KIF24: variants seen among roughly 807,000 people sequenced by gnomAD.
The protein encoded by KIF24 is kinesin family member 24.
Under a neutral mutation model 118.9 loss-of-function variants are expected in KIF24, and 81 were observed. That is an observed-to-expected ratio of 0.68 (90% CI 0.57 to 0.82). The LOEUF (loss-of-function observed/expected upper bound fraction) is 0.82, where lower values mean the gene tolerates loss of function less well. KIF24 is among the 40% of genes least tolerant of loss of function. The probability of loss-of-function intolerance (pLI) is 0.00; values close to 1 mark genes in which losing one functional copy is unlikely to be tolerated. For missense variants in KIF24, 1,560 were observed against 1,661.6 expected (o/e 0.94, Z 1.06); for synonymous variants, 599 against 610.0 (o/e 0.98, Z 0.27).
chr9:34,325,582 T>C (rs1837647895), intron 1 of KIF24, among the ~76,000 whole-genome samples: 1 of 150,022 alleles, frequency 6.7e-6, no homozygotes, highest in South Asian at 2.1e-4. Context: ...TAATCCCAGC[T>C]ACTCAGGAGG....
rs76160698 is a variant in KIF24 at position 34,288,065 on chromosome 9, T to C, written c.1128-1361A>G. ...GCTTTTATGCAAGGTATAAAAACAATTTATCCTCTACTTCTAGGAATTAAT... is the reference window on the plus strand; with the variant it reads ...GCTTTTATGCAAGGTATAAAAACAACTTATCCTCTACTTCTAGGAATTAAT... On this transcript the variant is annotated intron_variant, in intron 5 of 12. Transcript: ENST00000402558. Among the ~76,000 whole-genome samples the C allele has an allele frequency of 3.3e-3, 507 of 152,252 alleles. 2 individuals carry two copies. Among genetic ancestry groups the C allele is most frequent in the African/African-American group, 0.012 (494 of 41,558 alleles).
In KIF24 at chr9:34,290,175, T is replaced by G. The variant is rs1370182400; in HGVS notation, c.1126A>C (p.Arg376=). The G allele has an allele frequency of 6.2e-7, 1 of 1,605,386 alleles. No homozygotes were observed. The highest frequency in any genetic ancestry group is 8.5e-7 in the Non-Finnish European group (1 of 1,172,704). The part of the protein sequence containing the change: ...QLYDLLNRRK[R]LFAREDSKHM... ...TCGCTTCCCACTCATATTCAGTACCTTTTTCTTCTATTTAGGAGGTCATAA... is the reference window on the plus strand; with the variant it reads ...TCGCTTCCCACTCATATTCAGTACCGTTTTCTTCTATTTAGGAGGTCATAA... Residue 376 remains arginine (R), a splice_region_variant and synonymous_variant, in exon 5 of 13, where the codon AGG becomes CGG. Coordinates refer to ENST00000402558, the MANE Select transcript of KIF24 (RefSeq NM_194313.4).
rs1017096458 is a variant in KIF24, at chr9:34,319,302, T to G, written c.-25-7931A>C. The G allele has an allele frequency of 4.0e-5, 39 of 971,940 alleles. No homozygotes were observed. The African/African-American group carries it at 5.7e-4, about 14-fold the overall frequency. The allele number at this position is 971,940 out of a possible 1,614,324, so 60.2% of individuals were successfully genotyped here. A position where few individuals can be genotyped will look rare whatever the true frequency, so the allele number is the denominator to read the frequency against. ...TCTGGATGGGGAAGAAGCAGAAGCCTGTCGCCATCTCCTTGCCCAAGCGGG... is the reference window on the plus strand; with the variant it reads ...TCTGGATGGGGAAGAAGCAGAAGCCGGTCGCCATCTCCTTGCCCAAGCGGG... On this transcript the variant is annotated intron_variant, in intron 1 of 12. Transcript: ENST00000402558.
intron 1 of KIF24, among the ~76,000 whole-genome samples, chr9:34,321,499 A>G (rs1360561810): frequency 6.7e-6 from 1 of 150,142 alleles, no homozygotes; most frequent in Non-Finnish European, 1.5e-5. Context: ...TGCAGGAGAC[A>G]GGTTCTGTAA....
At position 34,314,777 on chromosome 9, in the gene KIF24, T is replaced by C. The variant is rs1837281821; in HGVS notation, c.-25-3406A>G. ...AGCTTGTAATAGCAAAGTCATGGAA[T>C]AGAGACTGGTGAAATAAATTATGAT... is the stretch of plus-strand genomic sequence containing the variant. On this transcript the variant is annotated intron_variant, in intron 1 of 12. Coordinates refer to ENST00000402558, the MANE Select transcript of KIF24 (RefSeq NM_194313.4). 2.6e-5 allele frequency among the ~76,000 whole-genome samples: 4 copies of C among 152,350 alleles called. No individual in the cohort carries two copies. In the South Asian group the frequency reaches 8.3e-4, roughly 32 times the overall value.
In KIF24 at chr9:34,311,045, T is replaced by A. The variant is rs1837120441; in HGVS notation, c.302A>T (p.Asp101Val). 1 of 1,613,838 alleles carries A rather than the reference T, an allele frequency of 6.2e-7. No individual in the cohort carries two copies. ...RSGPRRQLNFDSPADNKDRNA... is the reference protein window; with the variant it reads ...RSGPRRQLNFVSPADNKDRNA... ...TCTGTCTTTATTGTCAGCAGGAGAA[T>A]CAAAATTCAGCTGTCTGCGAGGGCC... The change falls in exon 2 of 13, where the codon GAT becomes GTT. Residue 101 changes from aspartate to valine, a missense_variant. Physicochemically the swap from Asp to Val is radical, Grantham distance 152. Coordinates refer to ENST00000402558, the MANE Select transcript of KIF24 (RefSeq NM_194313.4).
In KIF24 at chr9:34,311,261, A is replaced by G. The variant is rs751595845; in HGVS notation, c.86T>C (p.Ile29Thr). 2.3e-5 allele frequency: 37 copies of G among 1,612,208 alleles called. No homozygotes were observed. Among genetic ancestry groups the G allele is most frequent in the Non-Finnish European group, 3.1e-5 (37 of 1,178,894 alleles). ...CATTGTAATCTTGGCTAATTCATCT[A>G]TTTTCTGAAGGCCAAGGGCAGTGAA... is the stretch of plus-strand genomic sequence containing the variant. ...SHFTALGLQK[I>T]DELAKITMKD... Residue 29 changes from isoleucine (I) to threonine (T), a missense_variant, in exon 2 of 13, where the codon ATA becomes ACA. By Grantham distance (89) the Ile-to-Thr change is moderately conservative (BLOSUM62 -1). Around this residue, in one of 3 missense-constraint regions of KIF24, gnomAD observed 964 missense variants for 988.0 expected, o/e 0.98. Coordinates refer to ENST00000402558, the MANE Select transcript of KIF24 (RefSeq NM_194313.4).
intron 1 of KIF24, among the ~76,000 whole-genome samples, chr9:34,324,353 CA>C (rs1301417556): frequency 2.0e-5 from 3 of 152,220 alleles, no homozygotes; most frequent in African/African-American, 7.2e-5. Flanking sequence ...TTCATGCAGT[CA>C]CTCAGAACTA....
chr9:34,256,554 T>C lies in KIF24; in HGVS notation c.3053A>G (p.Gln1018Arg). The change falls in exon 11 of 13, where the codon CAG (glutamine) becomes CGG (arginine). Residue 1018 changes from glutamine to arginine, a missense_variant. Physicochemically the swap from Gln to Arg is conservative, Grantham distance 43. This residue lies in a region of KIF24 where 591 missense variants were observed against 655.6 expected (regional missense o/e 0.90). Coordinates refer to ENST00000402558, the MANE Select transcript of KIF24 (RefSeq NM_194313.4). The part of the protein sequence containing the change: ...LREVSADGPI[Q>R]VTSTVKNGHA... ...ACCGTTTTTCACAGTGCTGGTCACC[T>C]GGATTGGGCCGTCTGCACTGACTTC... is the stretch of plus-strand genomic sequence containing the variant. 6.2e-7 allele frequency: 1 copy of C among 1,614,004 alleles called. No individual in the cohort carries two copies. The highest frequency in any genetic ancestry group is 8.5e-7 in the Non-Finnish European group (1 of 1,179,880).
chr9:34,311,237 A>G lies in KIF24; in HGVS notation c.110T>C (p.Met37Thr). ...GACTCCTAATTTGGAGTAGTCCTTC[A>G]TTGTAATCTTGGCTAATTCATCTAT... ...QKIDELAKIT[M>T]KDYSKLGVHD... is the part of the protein sequence containing the mutation. Residue 37 changes from methionine to threonine, a missense_variant, in exon 2 of 13, where the codon ATG becomes ACG. Physicochemically the swap from Met to Thr is moderately conservative, Grantham distance 81. Coordinates refer to ENST00000402558, the MANE Select transcript of KIF24 (RefSeq NM_194313.4). 6.2e-7 allele frequency: 1 copy of G among 1,613,120 alleles called. No individual in the cohort carries two copies. The highest frequency in any genetic ancestry group is 8.5e-7 in the Non-Finnish European group (1 of 1,179,378).
intron 1 of KIF24, among the ~76,000 whole-genome samples, chr9:34,317,964 C>T (rs1837382080): frequency 6.6e-6 from 1 of 152,144 alleles, no homozygotes; most frequent in Admixed American, 6.6e-5. Context: ...AGGGGGCATA[C>T]TACCATACCC....
intron 1 of KIF24, among the ~76,000 whole-genome samples, chr9:34,322,145 G>A (rs552823327): frequency 1.8e-4 from 28 of 152,212 alleles, no homozygotes; most frequent in African/African-American, 6.3e-4. Context: ...AAAAGATGTA[G>A]TTATATCGGG....
intron 3 of KIF24, among the ~76,000 whole-genome samples, chr9:34,301,160 TCACA>T (rs1836692490): frequency 6.6e-6 from 1 of 152,218 alleles, no homozygotes; most frequent in East Asian, 1.9e-4. Flanking sequence ...GTCCTTTGCA[TCACA>T]CACACTTTCA....
intron 6 of KIF24, among the ~76,000 whole-genome samples, chr9:34,281,950 G>A (rs1835864721): frequency 6.6e-6 from 1 of 152,122 alleles, no homozygotes; most frequent in African/African-American, 2.4e-5. Flanking sequence ...ACTGCTGGTG[G>A]GAGTATAAAA....
chr9:34,285,470 A>T (rs749713506), intron 6 of KIF24, among the ~76,000 whole-genome samples: 2 of 151,998 alleles, frequency 1.3e-5, no homozygotes, highest in Non-Finnish European at 2.9e-5. Flanking sequence ...TCTACAAAAA[A>T]TTTTTAAAAA....
chr9:34,322,218 C>T (rs1587977435), intron 1 of KIF24, among the ~76,000 whole-genome samples: 2 of 152,122 alleles, frequency 1.3e-5, no homozygotes, highest in South Asian at 2.1e-4. Flanking sequence ...TTTAGAAGGG[C>T]ATATACTCTT....
At chr9:34,264,925 T>G (rs1045428137) in intron 8 of KIF24, among the ~76,000 whole-genome samples, 2 of 152,106 alleles carry the variant, frequency 1.3e-5, no homozygotes, top group Non-Finnish European at 2.9e-5. Flanking sequence ...AAGAGCTCTA[T>G]GTACAGTCAT....
At chr9:34,308,183 G>C (rs148601052) in intron 2 of KIF24, among the ~76,000 whole-genome samples, 3 of 152,136 alleles carry the variant, frequency 2.0e-5, no homozygotes, top group Non-Finnish European at 4.4e-5. Flanking sequence ...GCCCAGGCTG[G>C]CCTCGAACTC....
intron 6 of KIF24, among the ~76,000 whole-genome samples, chr9:34,285,513 G>A (rs992598556): frequency 2.6e-5 from 4 of 152,052 alleles, no homozygotes; most frequent in Admixed American, 6.6e-5. Flanking sequence ...GGTGGCTCAC[G>A]CCTGTAATCC....
Sources: gnomAD v4.1 joint callset for allele counts (sites outside exome capture counted in the v4.1 genomes callset) on GRCh38, gnomAD v4.1.1 for gene constraint, gnomAD v4.1.1 regional missense constraint, MANE v1.5 for transcripts, NCBI Gene and HGNC (gene_info 2026-07-23, HGNC 2026-07-21) for gene names.